Variants in CNNM3 observed in about 807,000 individuals in gnomAD.
CNNM3 encodes cyclin and CBS domain divalent metal cation transport mediator 3.
Under a neutral mutation model 57.1 loss-of-function variants are expected in CNNM3, and 47 were observed. That is an observed-to-expected ratio of 0.82 (90% confidence interval 0.65 to 1.05). CNNM3 has a LOEUF of 1.05. Ranked by LOEUF, CNNM3 falls within the 50% of genes least tolerant of loss-of-function variation. The pLI is 0.00. For synonymous variants in CNNM3, 507 were observed against 478.2 expected, an observed-to-expected ratio of 1.06 and a Z score of -0.79; for missense variants, 957 against 973.7, an observed-to-expected ratio of 0.98 and a Z score of 0.23.
rs1351235863 is a variant in CNNM3 at position 96,817,201 on chromosome 2, G to A, written c.924G>A (p.Val308=). Residue 308 remains valine (V), a synonymous_variant, in exon 1 of 8, where the codon GTG becomes GTA. Coordinates refer to ENST00000305510, the MANE Select transcript of CNNM3 (RefSeq NM_017623.5). Reference sequence around the variant, plus strand: ...CCTACAGCGATCTCAGCAAGGGCGTGCTGCGCTGCCGGACCGTGGAGGACG... The same window carrying A: ...CCTACAGCGATCTCAGCAAGGGCGTACTGCGCTGCCGGACCGTGGAGGACG... The part of the protein sequence containing the change: ...GDPYSDLSKG[V]LRCRTVEDVL... 3.1e-6 allele frequency: 5 copies of A among 1,589,566 alleles called. No homozygotes were observed. Among genetic ancestry groups the A allele is most frequent in the Non-Finnish European group, 4.3e-6 (5 of 1,170,836 alleles).
Position 96,825,167 on chromosome 2 carries a change from C to G in CNNM3, c.1335C>G (p.Ile445Met). The part of the protein sequence containing the change: ...VTLEDVIEEI[I>M]RSEILDESED... ...TGGAGGACGTGATCGAGGAGATCAT[C>G]AGGTCCGAGATCCTGGACGAGTCTG... Residue 445 changes from isoleucine to methionine, a missense_variant, in exon 2 of 8, where the codon ATC becomes ATG. Around this residue, in one of 2 missense-constraint regions of CNNM3, gnomAD observed 491 missense variants for 570.6 expected, o/e 0.86. Transcript: ENST00000305510. 1 of 1,614,168 alleles carries G rather than the reference C, an allele frequency of 6.2e-7. No individual in the cohort carries two copies. The highest frequency in any genetic ancestry group is 8.5e-7 in the Non-Finnish European group (1 of 1,180,024).
intron 1 of CNNM3, among the ~76,000 whole-genome samples, chr2:96,819,893 T>C (rs924289706): frequency 2.0e-5 from 3 of 152,192 alleles, no homozygotes; most frequent in African/African-American, 7.2e-5. Flanking sequence ...GCTGCCATGG[T>C]CTTGTCTTTC....
At position 96,832,933 on chromosome 2, in the gene CNNM3, G is replaced by T. The variant is rs1252633764; in HGVS notation, c.*317G>T. 7.1e-7 allele frequency: 1 copy of T among 1,410,348 alleles called. No homozygotes were observed. The highest frequency in any genetic ancestry group is 2.1e-5 in the Admixed American group (1 of 47,052). The allele number at this position is 1,410,348 out of a possible 1,614,324, so 87.4% of individuals were successfully genotyped here. ...CCCCTTCTCCCCCGGGGCAGGGACA[G>T]TGCGGCATATTCAGATTCAGACCTC... On this transcript the variant is annotated 3_prime_UTR_variant, in exon 8 of 8. Coordinates refer to ENST00000305510, the MANE Select transcript of CNNM3 (RefSeq NM_017623.5).
rs1162879550 is a variant in CNNM3, at chr2:96,816,805, G to T, written c.528G>T (p.Ala176=). 9.7e-7 allele frequency: 1 copy of T among 1,026,986 alleles called. No homozygotes were observed. The highest frequency in any genetic ancestry group is 9.3e-5 in the East Asian group (1 of 10,752). The allele number at this position is 1,026,986 out of a possible 1,614,324, so 63.6% of individuals were successfully genotyped here. A position where few individuals can be genotyped will look rare whatever the true frequency, so the allele number is the denominator to read the frequency against. ...VQVLRESGSE[A]ERAAARRLEP... The stretch of plus-strand genomic sequence containing the variant: ...TGCTGCGCGAGAGCGGCTCGGAGGC[G>T]GAGCGTGCGGCGGCGCGGCGTTTGG... The change falls in exon 1 of 8, where the codon GCG becomes GCT. Residue 176 remains alanine (A), a synonymous_variant. Coordinates refer to ENST00000305510, the MANE Select transcript of CNNM3 (RefSeq NM_017623.5).
chr2:96,817,282 C>A lies in CNNM3; in HGVS notation c.1005C>A (p.Phe335Leu). 3 of 1,613,182 alleles carry A rather than the reference C, an allele frequency of 1.9e-6. No homozygotes were observed. The highest frequency in any genetic ancestry group is 2.5e-6 in the Non-Finnish European group (3 of 1,180,012). ...TGGACGCCAGCACCGTGCTGGACTT[C>A]GGCGTCCTGGCCAGCATCATGCAGA... is the stretch of plus-strand genomic sequence containing the variant. The part of the protein sequence containing the change: ...FMLDASTVLD[F>L]GVLASIMQSG... The change falls in exon 1 of 8, where the codon TTC (phenylalanine) becomes TTA (leucine). Residue 335 changes from phenylalanine to leucine, a missense_variant. Phe to Leu is a conservative substitution (Grantham distance 22). Transcript: ENST00000305510.
rs746497730 is a variant in CNNM3 at position 96,828,569 on chromosome 2, C to G, written c.1789C>G (p.His597Asp). The change falls in exon 6 of 8, where the codon CAC becomes GAC. Residue 597 changes from histidine to aspartate, a missense_variant and splice_region_variant. By Grantham distance (81) the His-to-Asp change is moderately conservative (BLOSUM62 -1). Transcript: ENST00000305510. The stretch of plus-strand genomic sequence containing the variant: ...ATCACTGATTGTTCCTTTGATAGTT[C>G]ACCAGTCCCCGGTGTCCTCGCTCCA... Reference protein sequence around the residue: ...VSALTVPSSVHQSPVSSLQPI... With the variant: ...VSALTVPSSVDQSPVSSLQPI... 5 of 1,614,050 alleles carry G rather than the reference C, an allele frequency of 3.1e-6. No individual in the cohort carries two copies. Among genetic ancestry groups the G allele is most frequent in the East Asian group, 2.2e-5 (1 of 44,902 alleles).
At chr2:96,832,216 G>C in intron 7 of CNNM3, 1 of 1,076,048 alleles carries the variant, frequency 9.3e-7, no homozygotes, top group Non-Finnish European at 1.1e-6. Context: ...CTGGAAGACA[G>C]GAGGGGTCAT....
intron 2 of CNNM3, 38 bp downstream of exon 2, chr2:96,825,239 C>T (rs1454148555): frequency 6.2e-7 from 1 of 1,608,588 alleles, no homozygotes; most frequent in Non-Finnish European, 8.5e-7. Context: ...CTCCGCTGGG[C>T]CTGCACACTT....
Position 96,833,270 on chromosome 2 carries a change from G to A in CNNM3, c.*654G>A, listed in dbSNP as rs2079636785. The A allele has an allele frequency of 3.0e-6, 1 of 333,116 alleles. No individual in the cohort carries two copies. 20.6% of individuals were successfully genotyped at this position (333,116 alleles called of 1,614,324 possible). Reference sequence around the variant, plus strand: ...GCTGCTCTTCTGATTCTGAGAGCTGGCCTAGTGGTGCTGAGGGCCCCTTTC... The same window carrying A: ...GCTGCTCTTCTGATTCTGAGAGCTGACCTAGTGGTGCTGAGGGCCCCTTTC... On this transcript the variant is annotated 3_prime_UTR_variant, in exon 8 of 8. Transcript: ENST00000305510.
At position 96,832,615 on chromosome 2, in the gene CNNM3, A is replaced by G. The variant is rs754212924; in HGVS notation, c.2123A>G (p.Ter708=). 6.2e-7 allele frequency: 1 copy of G among 1,613,652 alleles called. No individual in the cohort carries two copies. Among genetic ancestry groups the G allele is most frequent in the Non-Finnish European group, 8.5e-7 (1 of 1,180,020 alleles). The part of the protein sequence containing the change: ...EGSPGRNPGV[*] The stretch of plus-strand genomic sequence containing the variant: ...AGCCCTGGGCGGAACCCAGGCGTTT[A>G]ACGGCTCACTAGGCAGCCCCAGATC... The change falls in exon 8 of 8, where the codon TAA becomes TGA. Residue 708 remains the stop codon, a stop_retained_variant. Coordinates refer to ENST00000305510, the MANE Select transcript of CNNM3 (RefSeq NM_017623.5).
In CNNM3 at chr2:96,832,812, T is replaced by TA; in HGVS notation, c.*196_*197insA. The stretch of plus-strand genomic sequence containing the variant: ...ATCCTTCAGCCGGCCCTGCCCTCCT[T>TA]TAGGAGACAGGAGTCACCAGGGCAC... On this transcript the variant is annotated 3_prime_UTR_variant, in exon 8 of 8. Transcript: ENST00000305510. 6.6e-7 allele frequency: 1 copy of TA among 1,510,588 alleles called. No individual in the cohort carries two copies. Among genetic ancestry groups the TA allele is most frequent in the Admixed American group, 2.0e-5 (1 of 49,430 alleles). The allele number at this position is 1,510,588 out of a possible 1,614,324, so 93.6% of individuals were successfully genotyped here.
In CNNM3 at chr2:96,826,866, T is replaced by C. The variant is rs2079515539; in HGVS notation, c.1403T>C (p.Leu468Pro). Residue 468 changes from leucine (L) to proline (P), a missense_variant, in exon 3 of 8, where the codon CTG becomes CCG. Leu to Pro is a moderately conservative substitution (Grantham distance 98, BLOSUM62 -3). This residue lies in a region of CNNM3 where 491 missense variants were observed against 570.6 expected (regional missense o/e 0.86). Coordinates refer to ENST00000305510, the MANE Select transcript of CNNM3 (RefSeq NM_017623.5). ...DTVVKRKPAS[L>P]MAPLKRKEEF... is the part of the protein sequence containing the mutation. ...GTGGTGAAGAGGAAGCCTGCTTCTC[T>C]GATGGCCCCTCTGAAGCGGAAGGAG... The C allele has an allele frequency of 3.1e-6, 5 of 1,614,256 alleles. No individual in the cohort carries two copies. The highest frequency in any genetic ancestry group is 4.2e-6 in the Non-Finnish European group (5 of 1,180,038).
At chr2:96,837,420 C>T (rs1051428374), downstream of CNNM3, 1 of 152,074 alleles carries the variant, frequency 6.6e-6, no homozygotes, top group African/African-American at 2.4e-5. Flanking sequence ...AGATTTAAAC[C>T]GAAGTATTTC....
At position 96,825,178 on chromosome 2, in the gene CNNM3, T is replaced by C. The variant is rs370080477; in HGVS notation, c.1346T>C (p.Ile449Thr). ...DVIEEIIRSEILDESEDYRDT... is the reference protein window; with the variant it reads ...DVIEEIIRSETLDESEDYRDT... ...ATCGAGGAGATCATCAGGTCCGAGATCCTGGACGAGTCTGAAGACTACCGT... is the reference window on the plus strand; with the variant it reads ...ATCGAGGAGATCATCAGGTCCGAGACCCTGGACGAGTCTGAAGACTACCGT... Residue 449 changes from isoleucine to threonine, a missense_variant, in exon 2 of 8, where the codon ATC becomes ACC. This residue lies in a region of CNNM3 where 491 missense variants were observed against 570.6 expected (regional missense o/e 0.86). Transcript: ENST00000305510. 2.5e-6 allele frequency: 4 copies of C among 1,614,004 alleles called. No individual in the cohort carries two copies. Among genetic ancestry groups the C allele is most frequent in the South Asian group, 2.2e-5 (2 of 91,088 alleles).
In CNNM3 at chr2:96,835,025, T is replaced by C. The variant is rs2079668394; in HGVS notation, c.*2409T>C. Reference sequence around the variant, plus strand: ...GATGTGGGTGGACAGTCCAAATCATTTGTCACATGTACATCTGTGTAACTA... The same window carrying C: ...GATGTGGGTGGACAGTCCAAATCATCTGTCACATGTACATCTGTGTAACTA... On this transcript the variant is annotated 3_prime_UTR_variant, in exon 8 of 8. Transcript: ENST00000305510. 6.6e-6 allele frequency among the ~76,000 whole-genome samples: 1 copy of C among 152,184 alleles called. No individual in the cohort carries two copies. Among genetic ancestry groups the C allele is most frequent in the Non-Finnish European group, 1.5e-5 (1 of 68,034 alleles).
In CNNM3 at chr2:96,835,257, T is replaced by TCAA. The variant is rs1413006453; in HGVS notation, c.*2644_*2646dup. ...GGAGATCATCCAGGCATTGCATGTGTCAACAGTTTGCTCCTTTTTATTGCT... is the reference window on the plus strand; with the variant it reads ...GGAGATCATCCAGGCATTGCATGTGTCAACAACAGTTTGCTCCTTTTTATTGCT... On this transcript the variant is annotated 3_prime_UTR_variant, in exon 8 of 8. Transcript: ENST00000305510. 6.6e-5 allele frequency among the ~76,000 whole-genome samples: 10 copies of TCAA among 152,220 alleles called. No homozygotes were observed. The highest frequency in any genetic ancestry group is 3.8e-4 in the East Asian group (2 of 5,206).
In CNNM3 at chr2:96,817,493, T is replaced by C. The variant is rs1278418998; in HGVS notation, c.1216T>C (p.Phe406Leu). Residue 406 changes from phenylalanine to leucine, a missense_variant, in exon 1 of 8, where the codon TTC becomes CTC. Physicochemically the swap from Phe to Leu is conservative, Grantham distance 22. This residue lies in a region of CNNM3 where 491 missense variants were observed against 570.6 expected (regional missense o/e 0.86). Transcript: ENST00000305510. ...DTKLDAVLEE[F>L]KRGKSHLAIV... ...CAAGCTGGACGCTGTCCTGGAGGAATTCAAGCGAGGTAACGGCCCGGGCAT... is the reference window on the plus strand; with the variant it reads ...CAAGCTGGACGCTGTCCTGGAGGAACTCAAGCGAGGTAACGGCCCGGGCAT... 4 of 1,610,364 alleles carry C rather than the reference T, an allele frequency of 2.5e-6. No homozygotes were observed. In the African/African-American group the frequency reaches 5.3e-5, roughly 22 times the overall value.
At position 96,832,620 on chromosome 2, in the gene CNNM3, C is replaced by G; in HGVS notation, c.*4C>G. On this transcript the variant is annotated 3_prime_UTR_variant, in exon 8 of 8. Coordinates refer to ENST00000305510, the MANE Select transcript of CNNM3 (RefSeq NM_017623.5). ...TGGGCGGAACCCAGGCGTTTAACGGCTCACTAGGCAGCCCCAGATCTGGGG... is the reference window on the plus strand; with the variant it reads ...TGGGCGGAACCCAGGCGTTTAACGGGTCACTAGGCAGCCCCAGATCTGGGG... 1 of 1,613,478 alleles carries G rather than the reference C, an allele frequency of 6.2e-7. No homozygotes were observed. Among genetic ancestry groups the G allele is most frequent in the Non-Finnish European group, 8.5e-7 (1 of 1,180,034 alleles).
In CNNM3 at chr2:96,833,090, C is replaced by T. The variant is rs1323839892; in HGVS notation, c.*474C>T. 3.5e-6 allele frequency: 4 copies of T among 1,151,382 alleles called. No individual in the cohort carries two copies. Among genetic ancestry groups the T allele is most frequent in the Non-Finnish European group, 4.6e-6 (4 of 865,598 alleles). 71.3% of individuals were successfully genotyped at this position (1,151,382 alleles called of 1,614,324 possible). A position where few individuals can be genotyped will look rare whatever the true frequency, so the allele number is the denominator to read the frequency against. ...AGCAAGCCGAGAGCACCCATTTTGG[C>T]TGGGGGTTCAGATCGATGGCCTTGT... On this transcript the variant is annotated 3_prime_UTR_variant, in exon 8 of 8. Coordinates refer to ENST00000305510, the MANE Select transcript of CNNM3 (RefSeq NM_017623.5).
Sources: allele counts gnomAD v4.1 joint callset (sites outside exome capture counted in the v4.1 genomes callset), GRCh38; gene constraint gnomAD v4.1.1; regional missense constraint gnomAD v4.1.1; transcripts MANE v1.5; gene names NCBI Gene and HGNC (gene_info 2026-07-23, HGNC 2026-07-21).